The following LYPLAL1 variants were observed in gnomAD, a reference collection of about 807,000 sequenced individuals.
LYPLAL1 encodes lysophospholipase like 1.
In LYPLAL1, 23 loss-of-function variants were observed where a neutral mutation model predicts 19.7. That is an observed-to-expected ratio of 1.17 (90% CI 0.84 to 1.65). The LOEUF (loss-of-function observed/expected upper bound fraction) is 1.65. Ranked by LOEUF, LYPLAL1 falls within the 40% of genes most tolerant of loss-of-function variation. The pLI is 0.00. For synonymous variants in LYPLAL1, 119 were observed against 96.3 expected, an observed-to-expected ratio of 1.24 and a Z score of -1.38; for missense variants, 355 against 279.4, an observed-to-expected ratio of 1.27 and a Z score of -1.93.
chr1:219,190,903 G>C (rs561530730), intron 2 of LYPLAL1, among the ~76,000 whole-genome samples: 2 of 151,558 alleles, frequency 1.3e-5, no homozygotes, highest in Non-Finnish European at 3.0e-5. Context: ...GGAGTTGCTC[G>C]TGAAGGGGCA....
intron 2 of LYPLAL1, among the ~76,000 whole-genome samples, chr1:219,180,346 A>G (rs11118232): frequency 0.43 from 66,007 of 152,082 alleles, 15,330 homozygotes; most frequent in East Asian, 0.66. Context: ...TATTTTCATT[A>G]ACTTAGTATT....
chr1:219,252,982 G>A, the LYPLAL1 span, among the ~76,000 whole-genome samples: 4 of 151,674 alleles, frequency 2.6e-5, no homozygotes, highest in Non-Finnish European at 5.9e-5. Flanking sequence ...GTCTTTTCAG[G>A]GCATAAATTT....
At chr1:219,435,753 G>A in the LYPLAL1 span, among the ~76,000 whole-genome samples, 1 of 151,704 alleles carries the variant, frequency 6.6e-6, no homozygotes, top group East Asian at 1.9e-4. Context: ...TTGAACCCGG[G>A]AGGTGGAGGT....
intron 3 of LYPLAL1, among the ~76,000 whole-genome samples, chr1:219,202,097 G>T (rs928578843): frequency 6.6e-6 from 1 of 151,974 alleles, no homozygotes; most frequent in African/African-American, 2.4e-5. Context: ...TAAGAACTTG[G>T]GCTCTAGACT....
the LYPLAL1 span, among the ~76,000 whole-genome samples, chr1:219,230,866 T>TA: frequency 6.6e-6 from 1 of 152,212 alleles, no homozygotes; most frequent in Non-Finnish European, 1.5e-5. Context: ...GCTGAATTCT[T>TA]AAGACAACCA....
the LYPLAL1 span, among the ~76,000 whole-genome samples, chr1:219,309,064 G>A: frequency 3.9e-5 from 6 of 152,230 alleles, no homozygotes; most frequent in South Asian, 1.0e-3. Flanking sequence ...CCCACCTCTT[G>A]CATCAGCTGA....
chr1:219,296,358 C>T, the LYPLAL1 span, among the ~76,000 whole-genome samples: 12 of 152,224 alleles, frequency 7.9e-5, no homozygotes, highest in African/African-American at 1.4e-4. Context: ...CCTGAATAAA[C>T]GGTTAAATCT....
chr1:219,337,398 T>C, the LYPLAL1 span, among the ~76,000 whole-genome samples: 17 of 152,170 alleles, frequency 1.1e-4, no homozygotes, highest in Non-Finnish European at 1.9e-4. Context: ...ATAGAAAATA[T>C]CTACACAGTG....
chr1:219,191,232 T>C (rs1228569301), intron 2 of LYPLAL1, among the ~76,000 whole-genome samples: 2 of 151,726 alleles, frequency 1.3e-5, no homozygotes, highest in Admixed American at 1.3e-4. Flanking sequence ...ATTGTACCTT[T>C]TAATCCAACC....
chr1:219,334,954 C>T, the LYPLAL1 span, among the ~76,000 whole-genome samples: 1 of 151,734 alleles, frequency 6.6e-6, no homozygotes, highest in Non-Finnish European at 1.5e-5. Context: ...AAATTTTTAC[C>T]ATGCTTGTTT....
At chr1:219,216,855 G>A (rs921663797), downstream of LYPLAL1, among the ~76,000 whole-genome samples, 7 of 152,154 alleles carry the variant, frequency 4.6e-5, no homozygotes, top group East Asian at 5.8e-4. Context: ...AGTCCTTAGA[G>A]CTTACCTCAT....
At chr1:219,225,849 A>G in the LYPLAL1 span, among the ~76,000 whole-genome samples, 1 of 152,232 alleles carries the variant, frequency 6.6e-6, no homozygotes, top group Non-Finnish European at 1.5e-5. Context: ...GCACAGACAG[A>G]TAGACACACA....
the LYPLAL1 span, among the ~76,000 whole-genome samples, chr1:219,225,838 T>C: frequency 6.6e-6 from 1 of 152,184 alleles, no homozygotes; most frequent in African/African-American, 2.4e-5. Context: ...ACAGTGCATA[T>C]GCACAGACAG....
At chr1:219,381,315 C>T in the LYPLAL1 span, among the ~76,000 whole-genome samples, 9 of 152,116 alleles carry the variant, frequency 5.9e-5, no homozygotes, top group Admixed American at 5.2e-4. Flanking sequence ...CCCAGCTGTG[C>T]GAAACTGTGA....
At chr1:219,242,852 G>A in the LYPLAL1 span, among the ~76,000 whole-genome samples, 1 of 152,134 alleles carries the variant, frequency 6.6e-6, no homozygotes, top group Non-Finnish European at 1.5e-5. Flanking sequence ...ATTTTTGGTT[G>A]CATTTACAGT....
At chr1:219,385,803 T>A in the LYPLAL1 span, among the ~76,000 whole-genome samples, 1 of 152,198 alleles carries the variant, frequency 6.6e-6, no homozygotes, top group African/African-American at 2.4e-5. Context: ...GTTGCCAACC[T>A]GTATAAATTA....
intron 1 of LYPLAL1, chr1:219,174,855 A>G (rs1655681128): frequency 2.3e-5 from 22 of 973,948 alleles, no homozygotes; most frequent in East Asian, 1.1e-4. Context: ...AACAAAAACA[A>G]TCCAATTAGT....
chr1:219,241,189 A>G, the LYPLAL1 span, among the ~76,000 whole-genome samples: 1 of 129,472 alleles, frequency 7.7e-6, no homozygotes. Context: ...TCCACTGTTG[A>G]CATGGCCAGA....
the LYPLAL1 span, among the ~76,000 whole-genome samples, chr1:219,324,469 C>T: frequency 7.9e-5 from 12 of 152,320 alleles, no homozygotes; most frequent in East Asian, 2.3e-3. Flanking sequence ...CTCGGCCCCT[C>T]TCTCTTATCC....
Sources: gnomAD v4.1 joint callset for allele counts (sites outside exome capture counted in the v4.1 genomes callset) on GRCh38, gnomAD v4.1.1 for gene constraint, MANE v1.5 for transcripts, NCBI Gene and HGNC (gene_info 2026-07-23, HGNC 2026-07-21) for gene names.